DIABLO: variants seen among roughly 807,000 people sequenced by gnomAD.
DIABLO encodes diablo homolog, mitochondrial.
Under a neutral mutation model 31.7 loss-of-function variants are expected in DIABLO, and 32 were observed. The ratio of observed to expected loss-of-function variants is 1.01; its 90% CI spans 0.76 to 1.35. The LOEUF (loss-of-function observed/expected upper bound fraction) is 1.35. Among genes scored for constraint, DIABLO ranks in the 40% most tolerant of loss-of-function variants. The pLI, the probability that DIABLO is intolerant of heterozygous loss-of-function variation, is 0.00. For synonymous variants in DIABLO, 132 were observed against 103.2 expected (o/e 1.28, Z -1.69); for missense variants, 316 against 286.4 (o/e 1.10, Z -0.75).
At chr12:122,219,467 G>A (rs1254632301) in intron 2 of DIABLO, among the ~76,000 whole-genome samples, 1 of 152,086 alleles carries the variant, frequency 6.6e-6, no homozygotes, top group African/African-American at 2.4e-5. Context: ...GTATGTATGA[G>A]CTACACTGGG....
At chr12:122,214,043 C>T (rs1046329301) in intron 5 of DIABLO, among the ~76,000 whole-genome samples, 2 of 152,098 alleles carry the variant, frequency 1.3e-5, no homozygotes, top group African/African-American at 4.8e-5. Context: ...TGAGTTCACA[C>T]CACTGCACTC....
chr12:122,210,543 A>G (rs969315610), intron 5 of DIABLO, among the ~76,000 whole-genome samples: 6 of 150,676 alleles, frequency 4.0e-5, no homozygotes, highest in Non-Finnish European at 8.9e-5. Context: ...TAATTTATTT[A>G]TTTATTTTTT....
intron 4 of DIABLO, 65 bp from the exon 5 acceptor site, chr12:122,216,649 A>G: frequency 6.4e-7 from 1 of 1,561,060 alleles, no homozygotes; most frequent in Non-Finnish European, 8.8e-7. Flanking sequence ...ATGGACTTAA[A>G]GTAGTAGATT....
chr12:122,226,290 G>T, upstream of DIABLO: 1 of 681,484 alleles, frequency 1.5e-6, no homozygotes, highest in Middle Eastern at 3.8e-4. Context: ...GAGCTGAGTC[G>T]GGCGCCGTGA....
At chr12:122,221,693 T>G (rs1036616646) in intron 2 of DIABLO, 10 of 152,186 alleles carry the variant, frequency 6.6e-5, no homozygotes, top group African/African-American at 2.4e-4. Flanking sequence ...CCATCGTGCC[T>G]AGCTGACCAC....
chr12:122,213,943 G>C (rs1954145165), intron 5 of DIABLO, among the ~76,000 whole-genome samples: 1 of 152,032 alleles, frequency 6.6e-6, no homozygotes, highest in Non-Finnish European at 1.5e-5. Context: ...AAATTAGCCA[G>C]GCATGGTGGC....
intron 5 of DIABLO, 86 bp from the exon 6 acceptor site, chr12:122,208,663 G>A: frequency 7.1e-7 from 1 of 1,401,634 alleles, no homozygotes; most frequent in Non-Finnish European, 9.8e-7. Flanking sequence ...TGCTGTGGCT[G>A]TCATCTGAAC....
intron 1 of DIABLO, chr12:122,225,533 C>T: frequency 2.7e-6 from 3 of 1,093,080 alleles, no homozygotes; most frequent in Non-Finnish European, 3.4e-6. Context: ...CGCCCAGGAG[C>T]CTGCAGCGCT....
chr12:122,208,406 T>G lies in DIABLO; in HGVS notation c.695A>C (p.Gln232Pro), dbSNP rs367673893. The G allele has an allele frequency of 4.3e-6, 7 of 1,612,824 alleles. No homozygotes were observed. Among genetic ancestry groups the G allele is most frequent in the African/African-American group, 2.7e-5 (2 of 74,902 alleles). Residue 232 changes from glutamine (Q) to proline (P), a missense_variant, in exon 6 of 6, where the codon CAG becomes CCG. Physicochemically the swap from Gln to Pro is moderately conservative, Grantham distance 76. Transcript: ENST00000464942. ...EEGEERAESEQEAYLRED is the reference protein window; with the variant it reads ...EEGEERAESEPEAYLRED ...TCAATCCTCACGCAGGTAGGCCTCC[T>G]GCTCCGACTCAGCCCGCTCCTCCCC...
rs571516559 is a variant in DIABLO at position 122,214,582 on chromosome 12, C to T, written c.523+1906G>A. ...CTGGGACTACAGGCGAGCGCCAATA[C>T]GCCCAGCTAATTTTTGTATTTTTGG... is the stretch of plus-strand genomic sequence containing the variant. On this transcript the variant is annotated intron_variant, in intron 5 of 5. Coordinates refer to ENST00000464942, the MANE Select transcript of DIABLO (RefSeq NM_001371333.1). Among the ~76,000 whole-genome samples the T allele has an allele frequency of 2.0e-3, 303 of 152,200 alleles. 1 individual carries two copies. Among genetic ancestry groups the T allele is most frequent in the South Asian group, 7.3e-3 (35 of 4,822 alleles).
At chr12:122,214,657 T>C (rs1332713896) in intron 5 of DIABLO, among the ~76,000 whole-genome samples, 1 of 152,168 alleles carries the variant, frequency 6.6e-6, no homozygotes, top group Non-Finnish European at 1.5e-5. Context: ...GCTCCAGCAA[T>C]CTGCCTGCCT....
rs1461229338 is a variant in DIABLO, at chr12:122,207,788, TGTTAAGTCCTGTTGAG to T, written c.*577_*592del. 6.4e-6 allele frequency: 3 copies of T among 468,106 alleles called. No homozygotes were observed. Among genetic ancestry groups the T allele is most frequent in the African/African-American group, 4.0e-5 (2 of 50,510 alleles). The allele number at this position is 468,106 out of a possible 1,614,324, so 29.0% of individuals were successfully genotyped here. The stretch of plus-strand genomic sequence containing the variant: ...AGAGGCCTGTGTTAAGTCCTGTTGA[TGTTAAGTCCTGTTGAG>T]AGCACCAGGTAAACACTCTGCACCC... On this transcript the variant is annotated 3_prime_UTR_variant, in exon 6 of 6. Coordinates refer to ENST00000464942, the MANE Select transcript of DIABLO (RefSeq NM_001371333.1).
chr12:122,213,810 C>T (rs759465460), intron 5 of DIABLO, among the ~76,000 whole-genome samples: 3 of 152,096 alleles, frequency 2.0e-5, no homozygotes, highest in Admixed American at 6.5e-5. Flanking sequence ...CTGGGCCAAG[C>T]GCAGTGGCTC....
chr12:122,209,006 C>T (rs2136081051), intron 5 of DIABLO: 1 of 330,474 alleles, frequency 3.0e-6, no homozygotes, highest in South Asian at 2.5e-5. Context: ...TATTTTTTTA[C>T]TATAAATTTA....
intron 5 of DIABLO, among the ~76,000 whole-genome samples, chr12:122,216,184 T>C (rs1382055638): frequency 6.6e-6 from 1 of 152,324 alleles, no homozygotes; most frequent in Middle Eastern, 3.4e-3. Flanking sequence ...TAAATTGTAT[T>C]ACCAAAAGAA....
chr12:122,208,997 A>AT (rs752364414), intron 5 of DIABLO: 28 of 330,338 alleles, frequency 8.5e-5, no homozygotes, highest in Admixed American at 2.2e-4. Context: ...ATAGAAAAAT[A>AT]TTTTTTTACT....
chr12:122,218,681 C>T (rs887232223), intron 2 of DIABLO: 10 of 389,738 alleles, frequency 2.6e-5, no homozygotes, highest in African/African-American at 8.3e-5. Context: ...GTGGCTCACA[C>T]CTGTAATACC....
chr12:122,216,906 G>A (rs1358007216), intron 3 of DIABLO, 37 bp from the exon 4 acceptor site: 1 of 1,529,640 alleles, frequency 6.5e-7, no homozygotes, highest in East Asian at 2.2e-5. Context: ...AGTAAAGTAA[G>A]TGAGACATAT....
intron 3 of DIABLO, 193 bp from the exon 4 acceptor site, chr12:122,217,062 CTG>C: frequency 1.8e-6 from 1 of 551,998 alleles, no homozygotes; most frequent in Non-Finnish European, 3.3e-6. Context: ...CTGTAAACTT[CTG>C]TGTTTTTAAA....
Sources: allele counts gnomAD v4.1 joint callset (sites outside exome capture counted in the v4.1 genomes callset), GRCh38; gene constraint gnomAD v4.1.1; transcripts MANE v1.5; gene names NCBI Gene and HGNC (gene_info 2026-07-23, HGNC 2026-07-21).